NSD2: variants seen among roughly 807,000 people sequenced by gnomAD.
The protein encoded by NSD2 is histone-lysine N-methyltransferase NSD2.
A neutral mutation model predicts 139.0 loss-of-function variants in NSD2; 12 were observed. The ratio of observed to expected loss-of-function variants is 0.09; its 90% confidence interval spans 0.06 to 0.14. The LOEUF (loss-of-function observed/expected upper bound fraction) is 0.14, where lower values mean the gene tolerates loss of function less well. Ranked by LOEUF, NSD2 falls within the 10% of genes least tolerant of loss-of-function variation. NSD2 has a pLI of 1.00. For synonymous variants in NSD2, 669 were observed against 648.7 expected (o/e 1.03, Z -0.48); for missense variants, 1,155 against 1,745.0 (o/e 0.66, Z 6.02).
intron 9 of NSD2, chr4:1,945,309 A>T (rs945468820): frequency 9.4e-7 from 1 of 1,065,886 alleles, no homozygotes; most frequent in Non-Finnish European, 1.1e-6. Context: ...GAAAGGAGGG[A>T]GGATGCTGTG....
chr4:1,882,877 T>G (rs1347927283), intron 1 of NSD2, among the ~76,000 whole-genome samples: 1 of 152,142 alleles, frequency 6.6e-6, no homozygotes, highest in African/African-American at 2.4e-5. Flanking sequence ...ACAATCTGTG[T>G]TCTAATGTGT....
intron 7 of NSD2, among the ~76,000 whole-genome samples, chr4:1,936,088 G>GT: frequency 6.6e-6 from 1 of 152,318 alleles, no homozygotes; most frequent in East Asian, 1.9e-4. Context: ...TGCAGGAAAA[G>GT]TGCAGCATAG....
chr4:1,949,593 T>C (rs911224047), intron 9 of NSD2, among the ~76,000 whole-genome samples: 1 of 152,164 alleles, frequency 6.6e-6, no homozygotes, highest in Non-Finnish European at 1.5e-5. Context: ...AAACCCCATC[T>C]CTACTAAAAA....
intron 6 of NSD2, among the ~76,000 whole-genome samples, chr4:1,931,568 CT>C (rs1721637066): frequency 6.6e-6 from 1 of 151,982 alleles, no homozygotes; most frequent in African/African-American, 2.4e-5. Flanking sequence ...CATTGAGGAG[CT>C]TTGGAGAGTC....
intron 9 of NSD2, chr4:1,941,016 A>T: frequency 1.9e-6 from 2 of 1,058,036 alleles, no homozygotes; most frequent in Non-Finnish European, 2.3e-6. Flanking sequence ...ATACGTGTAG[A>T]TAATTAAGCA....
intron 3 of NSD2, among the ~76,000 whole-genome samples, chr4:1,911,246 A>C (rs1234753241): frequency 2.6e-5 from 4 of 152,120 alleles, no homozygotes; most frequent in African/African-American, 9.7e-5. Context: ...TGGGGAGGTC[A>C]GTGACTTGCA....
At chr4:1,900,280 G>A (rs1260713838) in intron 1 of NSD2, among the ~76,000 whole-genome samples, 1 of 152,210 alleles carries the variant, frequency 6.6e-6, no homozygotes, top group Non-Finnish European at 1.5e-5. Context: ...ATATGTTGGT[G>A]GACAGGTGGA....
At chr4:1,889,806 C>T (rs1039604107) in intron 1 of NSD2, among the ~76,000 whole-genome samples, 2 of 151,900 alleles carry the variant, frequency 1.3e-5, no homozygotes, top group African/African-American at 2.4e-5. Flanking sequence ...TGTGCCCAGC[C>T]GACCTTTTTT....
intron 9 of NSD2, chr4:1,945,812 C>G: frequency 9.4e-7 from 1 of 1,064,238 alleles, no homozygotes; most frequent in Non-Finnish European, 1.1e-6. Flanking sequence ...CACGGATTCC[C>G]CTCGCTGGAG....
intron 6 of NSD2, among the ~76,000 whole-genome samples, chr4:1,932,279 A>G (rs1461627657): frequency 6.6e-6 from 1 of 151,812 alleles, no homozygotes; most frequent in Non-Finnish European, 1.5e-5. Context: ...TCTACTAAAA[A>G]TACAAAAAAA....
At chr4:1,931,075 A>G (rs961799335) in intron 6 of NSD2, among the ~76,000 whole-genome samples, 2 of 152,174 alleles carry the variant, frequency 1.3e-5, no homozygotes, top group Non-Finnish European at 2.9e-5. Context: ...AGAGGACACA[A>G]GAAGGAAGGG....
intron 1 of NSD2, among the ~76,000 whole-genome samples, chr4:1,890,755 C>T (rs1456956763): frequency 3.3e-5 from 5 of 152,072 alleles, no homozygotes; most frequent in East Asian, 3.9e-4. Context: ...CCCACCACCA[C>T]GCTTGGCTAA....
chr4:1,945,067 C>T, intron 9 of NSD2: 1 of 1,066,318 alleles, frequency 9.4e-7, no homozygotes, highest in Non-Finnish European at 1.1e-6. Context: ...GCTCCTCTGT[C>T]CCACTGCTGC....
At chr4:1,930,962 T>C (rs985399960) in intron 6 of NSD2, among the ~76,000 whole-genome samples, 192 bp downstream of exon 6, 4 of 152,092 alleles carry the variant, frequency 2.6e-5, no homozygotes, top group Admixed American at 6.6e-5. Context: ...TACTGGCTTA[T>C]GAGAGCTATT....
chr4:1,949,784 C>T lies in NSD2; in HGVS notation c.1882-1288C>T, dbSNP rs563901259. Among the ~76,000 whole-genome samples the T allele has an allele frequency of 2.0e-4, 30 of 151,228 alleles. No individual in the cohort carries two copies. The South Asian group carries it at 6.1e-3, about 31-fold the overall frequency. On this transcript the variant is annotated intron_variant, in intron 9 of 21. Coordinates refer to ENST00000508803, the MANE Select transcript of NSD2 (RefSeq NM_001042424.3). ...GTCTCGAGAAAAAAAAAAAAAAAGC[C>T]CACTCTAACACTACTCTGAAGTCAG...
intron 17 of NSD2, among the ~76,000 whole-genome samples, chr4:1,960,311 C>A (rs1183655914): frequency 6.6e-6 from 1 of 152,186 alleles, no homozygotes; most frequent in Non-Finnish European, 1.5e-5. Context: ...TGAAGTGACC[C>A]ACTTTCCTCT....
intron 10 of NSD2, among the ~76,000 whole-genome samples, chr4:1,951,600 C>CTGTG (rs907641999): frequency 4.2e-4 from 64 of 152,016 alleles, no homozygotes; most frequent in African/African-American, 1.5e-3. Context: ...ACAGGCCAGG[C>CTGTG]TGTGGGCTGA....
In NSD2 at chr4:1,955,978, A is replaced by G; in HGVS notation, c.2676-5A>G. On this transcript the variant is annotated splice_region_variant and splice_polypyrimidine_tract_variant and intron_variant, in intron 14 of 21. Coordinates refer to ENST00000508803, the MANE Select transcript of NSD2 (RefSeq NM_001042424.3). This position sits in a 1 kb window ranked among gnomAD's most constrained non-coding sequence, Gnocchi z 4.7. ...TGTGAATCCTGTTTTTAATATTTAT[A>G]ATAGATGGTGGCCGGCAGAAGTTTG... 6.2e-7 allele frequency: 1 copy of G among 1,614,040 alleles called. No homozygotes were observed. The highest frequency in any genetic ancestry group is 8.5e-7 in the Non-Finnish European group (1 of 1,179,996).
At chr4:1,960,999 C>T (rs374078635) in intron 17 of NSD2, 36 bp from the exon 18 acceptor site, 219 of 1,579,534 alleles carry the variant, frequency 1.4e-4, no homozygotes, top group Non-Finnish European at 1.8e-4. Context: ...TTGGTCAGCA[C>T]GCTTTTTGTC....
Sources: allele counts gnomAD v4.1 joint callset (sites outside exome capture counted in the v4.1 genomes callset), GRCh38; gene constraint gnomAD v4.1.1; non-coding constraint Gnocchi (gnomAD v3.1); transcripts MANE v1.5; gene names NCBI Gene and HGNC (gene_info 2026-07-23, HGNC 2026-07-21).